The following IRF6 variants were observed in gnomAD, a reference collection of about 807,000 sequenced individuals.
IRF6 encodes interferon regulatory factor 6.
In IRF6, 6 loss-of-function variants were observed where a neutral mutation model predicts 51.4. The ratio of observed to expected loss-of-function variants is 0.12; its 90% confidence interval spans 0.06 to 0.23. The LOEUF is 0.23. Among genes scored for constraint, IRF6 ranks in the 10% least tolerant of loss-of-function variants. IRF6 has a pLI of 1.00. For missense variants in IRF6, 348 were observed against 585.2 expected (o/e 0.59, Z 4.18); for synonymous variants, 178 against 215.7 (o/e 0.83, Z 1.53).
intron 3 of IRF6, among the ~76,000 whole-genome samples, chr1:209,798,987 A>G (rs1219725028): frequency 3.9e-5 from 6 of 152,054 alleles, no homozygotes; most frequent in Non-Finnish European, 8.8e-5. Flanking sequence ...TGATTTATAA[A>G]CATCACTTGT....
chr1:209,789,903 A>T, intron 7 of IRF6, 118 bp from the exon 8 acceptor site: 2 of 739,326 alleles, frequency 2.7e-6, no homozygotes, highest in East Asian at 2.6e-5. Flanking sequence ...CACTAGTTTT[A>T]AATTAATTAA....
chr1:209,799,961 A>C (rs1427866260), intron 3 of IRF6, among the ~76,000 whole-genome samples: 1 of 152,164 alleles, frequency 6.6e-6, no homozygotes, highest in African/African-American at 2.4e-5. Context: ...CATCCTAAGG[A>C]TGGCTTTCTT....
At position 209,801,310 on chromosome 1, in the gene IRF6, C is replaced by T. The variant is rs1334475866; in HGVS notation, c.104G>A (p.Arg35His). The change falls in exon 3 of 9, where the codon CGC becomes CAC. Residue 35 changes from arginine to histidine, a missense_variant. Coordinates refer to ENST00000367021, the MANE Select transcript of IRF6 (RefSeq NM_006147.4). ...GLIWLHRDSK[R>H]FQIPWKHATR... ...GGCATGTTTCCAGGGAATCTGGAAG[C>T]GTTTAGAGTCCCTGTGTAGCCAGAT... The T allele has an allele frequency of 1.2e-5, 20 of 1,613,628 alleles. No homozygotes were observed. The highest frequency in any genetic ancestry group is 2.2e-5 in the East Asian group (1 of 44,860).
chr1:209,794,460 C>T (rs2077888703), intron 5 of IRF6, among the ~76,000 whole-genome samples: 1 of 152,206 alleles, frequency 6.6e-6, no homozygotes, highest in African/African-American at 2.4e-5. Context: ...AAGGTAGAGG[C>T]ATCACCTACG....
rs115777201 is a variant in IRF6 at position 209,788,565 on chromosome 1, C to T, written c.1259G>A (p.Arg420His). The T allele has an allele frequency of 4.3e-5, 70 of 1,614,016 alleles. No individual in the cohort carries two copies. The East Asian group carries it at 7.1e-4, about 16-fold the overall frequency. The change falls in exon 9 of 9, where the codon CGC (arginine) becomes CAC (histidine). Residue 420 changes from arginine to histidine, a missense_variant. By Grantham distance (29) the Arg-to-His change is conservative. Coordinates refer to ENST00000367021, the MANE Select transcript of IRF6 (RefSeq NM_006147.4). ...FTRSFDSGSVRLQISTPDIKD... is the reference protein window; with the variant it reads ...FTRSFDSGSVHLQISTPDIKD... ...GATGTCTGGGGTTGAGATCTGCAGG[C>T]GGACACTGCCACTATCAAAGGATCG... is the stretch of plus-strand genomic sequence containing the variant.
At chr1:209,791,110 AT>A in intron 6 of IRF6, 1 of 941,292 alleles carries the variant, frequency 1.1e-6, no homozygotes, top group Non-Finnish European at 1.3e-6. Flanking sequence ...CATCTCAACT[AT>A]TTCTGTTCAA....
rs3028134 is a variant in IRF6 at position 209,796,634 on chromosome 1, AACACACACACAC to A, written c.175-94_175-83del. 1.2e-3 allele frequency: 698 copies of A among 586,832 alleles called. 1 individual carries two copies. Among genetic ancestry groups the A allele is most frequent in the South Asian group, 5.9e-3 (317 of 54,082 alleles). 36.4% of individuals were successfully genotyped at this position (586,832 alleles called of 1,614,324 possible). On this transcript the variant is annotated intron_variant, in intron 3 of 8. Coordinates refer to ENST00000367021, the MANE Select transcript of IRF6 (RefSeq NM_006147.4). The surrounding 1 kb of genome is among the most constrained non-coding windows in gnomAD (Gnocchi z 4.5). Reference sequence around the variant, plus strand: ...GTGCTTACCCTTTCTCATAGACACAAACACACACACACACACACACACACACACACACACACA... The same window carrying A: ...GTGCTTACCCTTTCTCATAGACACAAACACACACACACACACACACACACA...
rs976630260 is a variant in IRF6, at chr1:209,805,943, C to T, written c.-76+4G>A. 5.2e-5 allele frequency: 8 copies of T among 152,474 alleles called. No individual in the cohort carries two copies. Among genetic ancestry groups the T allele is most frequent in the Admixed American group, 4.6e-4 (7 of 15,310 alleles). 9.4% of individuals were successfully genotyped at this position (152,474 alleles called of 1,614,324 possible). A position where few individuals can be genotyped will look rare whatever the true frequency, so the allele number is the denominator to read the frequency against. The stretch of plus-strand genomic sequence containing the variant: ...AGCTGGTCCCCAGAAGTTGGCGTAC[C>T]CACCTTTGCTCAATCTGTCCACCAG... On this transcript the variant is annotated splice_donor_region_variant and intron_variant, in intron 1 of 8. Transcript: ENST00000367021.
rs752030700 is a variant in IRF6, at chr1:209,796,390, C to G, written c.337G>C (p.Val113Leu). The G allele has an allele frequency of 6.2e-7, 1 of 1,614,192 alleles. No homozygotes were observed. The highest frequency in any genetic ancestry group is 8.5e-7 in the Non-Finnish European group (1 of 1,180,044). ...CCCTGGGGCTGAGGGATGTCACACA[C>G]TTGATATATCTTCACTGGGTTCATG... ...VPMNPVKIYQ[V>L]CDIPQPQGSI... The change falls in exon 4 of 9, where the codon GTG becomes CTG. Residue 113 changes from valine (V) to leucine (L), a missense_variant. Transcript: ENST00000367021. This position sits in a 1 kb window ranked among gnomAD's most constrained non-coding sequence, Gnocchi z 4.5.
chr1:209,798,261 G>A (rs114108140), intron 3 of IRF6, among the ~76,000 whole-genome samples: 48 of 152,312 alleles, frequency 3.2e-4, no homozygotes, highest in African/African-American at 1.1e-3. Context: ...AACCCCCTAC[G>A]GGAGATTTCA....
rs141217567 is a variant in IRF6 at position 209,790,020 on chromosome 1, G to C, written c.1061-235C>G. ...TATATTGAACAGTACAAATTACAGA[G>C]GGTTCTCTTGGACATCATTGATCAT... On this transcript the variant is annotated intron_variant, in intron 7 of 8. Transcript: ENST00000367021. This position sits in a 1 kb window ranked among gnomAD's most constrained non-coding sequence, Gnocchi z 4.8. 2.3e-3 allele frequency among the ~76,000 whole-genome samples: 354 copies of C among 152,270 alleles called. 4 individuals carry two copies. The highest frequency in any genetic ancestry group is 8.0e-3 in the African/African-American group (332 of 41,534).
chr1:209,794,423 C>G (rs2077888499), intron 5 of IRF6, among the ~76,000 whole-genome samples: 1 of 152,206 alleles, frequency 6.6e-6, no homozygotes, highest in South Asian at 2.1e-4. Flanking sequence ...GGCCAGTGGA[C>G]AGACAAGTGT....
In IRF6 at chr1:209,786,089, T is replaced by A. The variant is rs1395633532; in HGVS notation, c.*2331A>T. 6.6e-6 allele frequency: 1 copy of A among 152,104 alleles called. No homozygotes were observed. The highest frequency in any genetic ancestry group is 1.5e-5 in the Non-Finnish European group (1 of 68,024). 9.4% of individuals were successfully genotyped at this position (152,104 alleles called of 1,614,324 possible). A position where few individuals can be genotyped will look rare whatever the true frequency, so the allele number is the denominator to read the frequency against. ...GGTGAAGGCAAGGGAGTAGAAGATA[T>A]CAAGGGAGTGAGTGGTGGTAGCCAC... is the stretch of plus-strand genomic sequence containing the variant. On this transcript the variant is annotated 3_prime_UTR_variant, in exon 9 of 9. Transcript: ENST00000367021.
At chr1:209,804,240 A>G (rs1047581717) in intron 1 of IRF6, among the ~76,000 whole-genome samples, 4 of 152,170 alleles carry the variant, frequency 2.6e-5, no homozygotes, top group African/African-American at 9.7e-5. Flanking sequence ...AACATGTCTG[A>G]TTTCATCCTC....
rs1335185551 is a variant in IRF6, at chr1:209,785,886, A to G, written c.*2534T>C. ...AGAGGAAGTATGGGGTGCTATGGGA[A>G]CATACAACCAGGGACCTAATTTTAT... On this transcript the variant is annotated 3_prime_UTR_variant, in exon 9 of 9. Coordinates refer to ENST00000367021, the MANE Select transcript of IRF6 (RefSeq NM_006147.4). 1.3e-5 allele frequency: 2 copies of G among 152,200 alleles called. No individual in the cohort carries two copies. Among genetic ancestry groups the G allele is most frequent in the African/African-American group, 4.8e-5 (2 of 41,448 alleles). The allele number at this position is 152,200 out of a possible 1,614,324, so 9.4% of individuals were successfully genotyped here. A position where few individuals can be genotyped will look rare whatever the true frequency, so the allele number is the denominator to read the frequency against.
intron 1 of IRF6, chr1:209,802,264 C>G (rs2077948779): frequency 6.6e-6 from 1 of 152,230 alleles, no homozygotes; most frequent in Non-Finnish European, 1.5e-5. Context: ...GGACAGCCTC[C>G]TCCCTTGGGT....
chr1:209,802,071 C>G (rs2077947567), intron 1 of IRF6, 28 bp from the exon 2 acceptor site: 2 of 152,228 alleles, frequency 1.3e-5, no homozygotes, highest in Admixed American at 1.3e-4. Flanking sequence ...GGGGTCTCAG[C>G]TGGCTATCCA....
chr1:209,797,370 C>CAAAAAAAAAA (rs11418099), intron 3 of IRF6, among the ~76,000 whole-genome samples: 2 of 48,590 alleles, frequency 4.1e-5, no homozygotes, highest in African/African-American at 9.1e-5. Flanking sequence ...AACTTCATCT[C>CAAAAAAAAAA]AAAAAAAAAA....
intron 1 of IRF6, among the ~76,000 whole-genome samples, chr1:209,803,932 T>C (rs1241607659): frequency 6.6e-6 from 1 of 152,118 alleles, no homozygotes; most frequent in Non-Finnish European, 1.5e-5. Flanking sequence ...TAACACAGCA[T>C]ATACTTGCAT....
Sources: allele counts gnomAD v4.1 joint callset (sites outside exome capture counted in the v4.1 genomes callset), GRCh38; gene constraint gnomAD v4.1.1; non-coding constraint Gnocchi (gnomAD v3.1); transcripts MANE v1.5; gene names NCBI Gene and HGNC (gene_info 2026-07-23, HGNC 2026-07-21).